LYZL4: variants seen among roughly 807,000 people sequenced by gnomAD.
The protein encoded by LYZL4 is lysozyme like 4, also known as lysozyme-like protein 4.
Under a neutral mutation model 17.6 loss-of-function variants are expected in LYZL4, and 13 were observed. That is an observed-to-expected ratio of 0.74 (90% confidence interval 0.48 to 1.18). The LOEUF (loss-of-function observed/expected upper bound fraction) is 1.18. Ranked by LOEUF, LYZL4 falls within the 50% of genes most tolerant of loss-of-function variation. LYZL4 has a pLI of 0.00. For synonymous variants in LYZL4, 64 were observed against 67.7 expected, an observed-to-expected ratio of 0.95 and a Z score of 0.27; for missense variants, 174 against 188.2, an observed-to-expected ratio of 0.92 and a Z score of 0.44.
Position 42,405,647 on chromosome 3 carries a change from G to A in LYZL4, c.292+1199C>T, listed in dbSNP as rs528417948. On this transcript the variant is annotated intron_variant, in intron 3 of 4. Coordinates refer to ENST00000287748, the MANE Select transcript of LYZL4 (RefSeq NM_144634.4). Reference sequence around the variant, plus strand: ...GCGTGGAAAGAGGTTTGCTCATTAGGGAGGATGCTGGGGTGCTTAGGCAGG... The same window carrying A: ...GCGTGGAAAGAGGTTTGCTCATTAGAGAGGATGCTGGGGTGCTTAGGCAGG... 8.9e-4 allele frequency among the ~76,000 whole-genome samples: 135 copies of A among 152,236 alleles called. 1 individual carries two copies. The highest frequency in any genetic ancestry group is 3.2e-3 in the African/African-American group (133 of 41,546).
At chr3:42,367,786 A>C in the LYZL4 span, among the ~76,000 whole-genome samples, 1 of 152,252 alleles carries the variant, frequency 6.6e-6, no homozygotes, top group Admixed American at 6.5e-5. Flanking sequence ...AGGGTGAACT[A>C]AAATGCTATC....
At chr3:42,402,397 T>C (rs1405577767) in intron 4 of LYZL4, among the ~76,000 whole-genome samples, 1 of 147,956 alleles carries the variant, frequency 6.8e-6, no homozygotes, top group Non-Finnish European at 1.5e-5. Flanking sequence ...TTGCAATACA[T>C]ATATCCAACA....
chr3:42,404,214 G>C, intron 3 of LYZL4, 90 bp from the exon 4 acceptor site: 2 of 738,410 alleles, frequency 2.7e-6, no homozygotes, highest in South Asian at 1.9e-5. Context: ...ACTCACATCA[G>C]AGAGTCTTCC....
At chr3:42,397,390 G>A in intron 4 of LYZL4, 56 bp from the exon 5 acceptor site, 1 of 1,250,110 alleles carries the variant, frequency 8.0e-7, no homozygotes, top group Non-Finnish European at 1.1e-6. Context: ...AGGGTCTCCA[G>A]GGCTTCACAG....
At chr3:42,404,948 G>C (rs2286719) in intron 3 of LYZL4, among the ~76,000 whole-genome samples, 13 of 152,076 alleles carry the variant, frequency 8.5e-5, no homozygotes, top group African/African-American at 2.7e-4. Context: ...GGCCCTGCCT[G>C]GCATTTTATA....
chr3:42,377,658 T>TGC, the LYZL4 span, among the ~76,000 whole-genome samples: 10 of 151,778 alleles, frequency 6.6e-5, no homozygotes, highest in African/African-American at 2.4e-4. Flanking sequence ...TGTGTGTGTG[T>TGC]GTGTGTGTGT....
At chr3:42,401,044 G>A (rs926795381) in intron 4 of LYZL4, among the ~76,000 whole-genome samples, 22 of 152,122 alleles carry the variant, frequency 1.4e-4, no homozygotes, top group Admixed American at 1.2e-3. Context: ...CATAATCCAA[G>A]TAACAGTGAA....
chr3:42,366,232 G>T, the LYZL4 span, among the ~76,000 whole-genome samples: 3,200 of 152,218 alleles, frequency 0.021, 111 homozygotes, highest in African/African-American at 0.073. Flanking sequence ...TGAACTGCAG[G>T]CCCTCGTGTG....
Position 42,397,331 on chromosome 3 carries a change from G to A in LYZL4, c.375C>T (p.Pro125=), listed in dbSNP as rs772422893. 4 of 1,570,730 alleles carry A rather than the reference G, an allele frequency of 2.5e-6. No individual in the cohort carries two copies. The African/African-American group carries it at 4.1e-5, about 16-fold the overall frequency. The change falls in exon 5 of 5, where the codon CCC becomes CCT. Residue 125 remains proline (P), a synonymous_variant. Coordinates refer to ENST00000287748, the MANE Select transcript of LYZL4 (RefSeq NM_144634.4). ...VKGKEGMGAW[P]TWSRYCQYSD... is the part of the protein sequence containing the mutation. ...AGTACTGGCAGTACCGGGACCAGGT[G>A]GGCCTGTGGAGAGAAGTGAACAGGA...
At chr3:42,372,038 A>C in the LYZL4 span, among the ~76,000 whole-genome samples, 1 of 152,202 alleles carries the variant, frequency 6.6e-6, no homozygotes, top group Non-Finnish European at 1.5e-5. Flanking sequence ...GGCTGGAGCC[A>C]GCTGTCTCAG....
chr3:42,381,566 C>T, the LYZL4 span, among the ~76,000 whole-genome samples: 7 of 152,014 alleles, frequency 4.6e-5, no homozygotes, highest in Admixed American at 1.3e-4. Context: ...ACAGCACATC[C>T]GGAAGGAGCA....
At position 42,397,452 on chromosome 3, in the gene LYZL4, C is replaced by T. The variant is rs569076973; in HGVS notation, c.372-118G>A. Reference sequence around the variant, plus strand: ...TGCCCCTTGGAGCCTTTGAGTTTTCCACCTCTGCCGTGGGCACGATTCTGA... The same window carrying T: ...TGCCCCTTGGAGCCTTTGAGTTTTCTACCTCTGCCGTGGGCACGATTCTGA... On this transcript the variant is annotated intron_variant, in intron 4 of 4. Coordinates refer to ENST00000287748, the MANE Select transcript of LYZL4 (RefSeq NM_144634.4). 909 of 677,854 alleles carry T rather than the reference C, an allele frequency of 1.3e-3. 1 individual carries two copies. The highest frequency in any genetic ancestry group is 2.2e-3 in the Non-Finnish European group (829 of 384,434). The allele number at this position is 677,854 out of a possible 1,614,324, so 42.0% of individuals were successfully genotyped here. A position where few individuals can be genotyped will look rare whatever the true frequency, so the allele number is the denominator to read the frequency against.
intron 4 of LYZL4, among the ~76,000 whole-genome samples, chr3:42,399,629 G>A (rs1048425911): frequency 6.6e-6 from 1 of 152,118 alleles, no homozygotes; most frequent in South Asian, 2.1e-4. Flanking sequence ...ATATCTGTGG[G>A]TACATTTTTC....
At chr3:42,361,362 C>T in the LYZL4 span, among the ~76,000 whole-genome samples, 2 of 152,094 alleles carry the variant, frequency 1.3e-5, no homozygotes, top group South Asian at 2.1e-4. Flanking sequence ...GTGGTGTCTT[C>T]TATGGCTCCC....
At chr3:42,370,573 T>C in the LYZL4 span, among the ~76,000 whole-genome samples, 1 of 152,212 alleles carries the variant, frequency 6.6e-6, no homozygotes, top group South Asian at 2.1e-4. Flanking sequence ...GAAATGTTTG[T>C]TGTTGTGAAC....
At chr3:42,378,498 ATT>A in the LYZL4 span, among the ~76,000 whole-genome samples, 27 of 152,246 alleles carry the variant, frequency 1.8e-4, no homozygotes, top group African/African-American at 6.0e-4. Context: ...GTACTCTGAT[ATT>A]TTGCTGGTCT....
chr3:42,406,477 A>AAAAG (rs1559456443), intron 3 of LYZL4, among the ~76,000 whole-genome samples: 7 of 150,866 alleles, frequency 4.6e-5, no homozygotes, highest in East Asian at 3.9e-4. Flanking sequence ...AAAAAAAAAA[A>AAAAG]AAAGAAAGAA....
chr3:42,388,724 A>C, the LYZL4 span, among the ~76,000 whole-genome samples: 3 of 152,274 alleles, frequency 2.0e-5, no homozygotes, highest in Non-Finnish European at 4.4e-5. Flanking sequence ...GTGTCTGCAT[A>C]GATGAGATGG....
At chr3:42,405,270 G>A (rs934526353) in intron 3 of LYZL4, among the ~76,000 whole-genome samples, 1 of 152,120 alleles carries the variant, frequency 6.6e-6, no homozygotes, top group Non-Finnish European at 1.5e-5. Context: ...GGATGGTCCC[G>A]ATCTCCTGAC....
Sources: allele counts gnomAD v4.1 joint callset (sites outside exome capture counted in the v4.1 genomes callset), GRCh38; gene constraint gnomAD v4.1.1; transcripts MANE v1.5; gene names NCBI Gene and HGNC (gene_info 2026-07-23, HGNC 2026-07-21).